LHCGR: variants seen among roughly 807,000 people sequenced by gnomAD.
The protein encoded by LHCGR is luteinizing hormone/choriogonadotropin receptor, also known as lutropin-choriogonadotropic hormone receptor.
Under a neutral mutation model 60.7 loss-of-function variants are expected in LHCGR, and 55 were observed. The observed-to-expected ratio is 0.91, with a 90% CI of 0.73 to 1.13. The LOEUF is 1.13. Among genes scored for constraint, LHCGR ranks in the 50% most tolerant of loss-of-function variants. The pLI is 0.00. For missense variants in LHCGR, 862 were observed against 836.0 expected, an observed-to-expected ratio of 1.03 and a Z score of -0.38; for synonymous variants, 337 against 316.5, an observed-to-expected ratio of 1.06 and a Z score of -0.69.
At chr2:48,738,199 A>G (rs541325850) in intron 1 of LHCGR, among the ~76,000 whole-genome samples, 2 of 152,022 alleles carry the variant, frequency 1.3e-5, no homozygotes, top group Middle Eastern at 3.4e-3. Flanking sequence ...CTCTTCCTCT[A>G]TCCTCCTCTA....
Position 48,688,738 on chromosome 2 carries a change from A to G in LHCGR, c.1059T>C (p.Cys353=). 6.2e-7 allele frequency: 1 copy of G among 1,614,106 alleles called. No individual in the cohort carries two copies. The highest frequency in any genetic ancestry group is 1.1e-5 in the South Asian group (1 of 91,072). ...GGAAGTCATAGCCCATAATATCTTC[A>G]CAGGGATTAAAAGCATCTGGTTCAG... The part of the protein sequence containing the change: ...CAPEPDAFNP[C]EDIMGYDFLR... Residue 353 remains cysteine (C), a synonymous_variant, in exon 11 of 11, where the codon TGT becomes TGC. Coordinates refer to ENST00000294954, the MANE Select transcript of LHCGR (RefSeq NM_000233.4). This position sits in a 1 kb window ranked among gnomAD's most constrained non-coding sequence, Gnocchi z 5.2.
intron 8 of LHCGR, among the ~76,000 whole-genome samples, chr2:48,705,457 G>T (rs1667616405): frequency 6.6e-6 from 1 of 152,150 alleles, no homozygotes; most frequent in Admixed American, 6.5e-5. Context: ...TTAATTTTGT[G>T]TCTCATTGAT....
At chr2:48,742,278 A>G (rs1669493058) in intron 1 of LHCGR, among the ~76,000 whole-genome samples, 1 of 152,192 alleles carries the variant, frequency 6.6e-6, no homozygotes, top group Admixed American at 6.5e-5. Flanking sequence ...CATTAGACAG[A>G]TCAATGAGAC....
At chr2:48,713,138 G>A (rs1189165958) in intron 7 of LHCGR, among the ~76,000 whole-genome samples, 4 of 152,148 alleles carry the variant, frequency 2.6e-5, no homozygotes, top group African/African-American at 9.7e-5. Context: ...AGGAATCTGT[G>A]TTTTAACAAT....
At chr2:48,713,016 G>A (rs538211773) in intron 7 of LHCGR, among the ~76,000 whole-genome samples, 21 of 152,272 alleles carry the variant, frequency 1.4e-4, no homozygotes, top group African/African-American at 5.1e-4. Flanking sequence ...ACATTAGACT[G>A]TGCTACCCAA....
At chr2:48,699,026 G>T (rs1046561314) in intron 8 of LHCGR, among the ~76,000 whole-genome samples, 1 of 151,950 alleles carries the variant, frequency 6.6e-6, no homozygotes, top group Admixed American at 6.6e-5. Context: ...GGGTTTCACC[G>T]TGTTAGCCAG....
At chr2:48,748,569 CTAAT>C (rs1383450323) in intron 1 of LHCGR, among the ~76,000 whole-genome samples, 1 of 152,186 alleles carries the variant, frequency 6.6e-6, no homozygotes, top group Non-Finnish European at 1.5e-5. Flanking sequence ...GTCATTTTCT[CTAAT>C]TAACACCTCC....
chr2:48,706,736 C>T (rs763760063), intron 8 of LHCGR, among the ~76,000 whole-genome samples: 18 of 152,172 alleles, frequency 1.2e-4, no homozygotes, highest in Non-Finnish European at 2.1e-4. Context: ...TTTTCAGCTC[C>T]GTCACGTCAT....
chr2:48,730,297 A>G (rs897306568), intron 2 of LHCGR, among the ~76,000 whole-genome samples: 1 of 152,222 alleles, frequency 6.6e-6, no homozygotes, highest in Non-Finnish European at 1.5e-5. Flanking sequence ...TTAATGCATT[A>G]AAGGTTATCA....
At chr2:48,704,128 T>G (rs1032058869) in intron 8 of LHCGR, among the ~76,000 whole-genome samples, 47 of 152,250 alleles carry the variant, frequency 3.1e-4, no homozygotes, top group Admixed American at 3.1e-3. Flanking sequence ...AGGCCTTTTC[T>G]GCATCTATTG....
chr2:48,708,691 A>G, intron 8 of LHCGR: 1 of 578,388 alleles, frequency 1.7e-6, no homozygotes, highest in Non-Finnish European at 3.1e-6. Flanking sequence ...CCTCAGAGGG[A>G]GCCAACCCCT....
intron 9 of LHCGR, among the ~76,000 whole-genome samples, chr2:48,697,681 C>T (rs1487677590): frequency 1.3e-5 from 2 of 152,168 alleles, no homozygotes; most frequent in East Asian, 1.9e-4. Flanking sequence ...GTCACTCTCT[C>T]AGTGCCTTAT....
intron 1 of LHCGR, among the ~76,000 whole-genome samples, chr2:48,754,904 G>A (rs757642302): frequency 3.3e-5 from 5 of 152,078 alleles, no homozygotes; most frequent in Non-Finnish European, 5.9e-5. Flanking sequence ...TGGTGCGCGG[G>A]TGCCAGCGGC....
At chr2:48,701,836 C>A (rs1572831542) in intron 8 of LHCGR, among the ~76,000 whole-genome samples, 1 of 152,306 alleles carries the variant, frequency 6.6e-6, no homozygotes, top group East Asian at 1.9e-4. Flanking sequence ...AATAAACAAA[C>A]AAATGAACTG....
chr2:48,731,362 G>T, intron 1 of LHCGR, 64 bp from the exon 2 acceptor site: 2 of 1,097,646 alleles, frequency 1.8e-6, no homozygotes, highest in Non-Finnish European at 2.8e-6. Context: ...TTAAGTTCAT[G>T]AATAAAATGG....
At chr2:48,741,511 G>T (rs1669450747) in intron 1 of LHCGR, among the ~76,000 whole-genome samples, 1 of 152,028 alleles carries the variant, frequency 6.6e-6, no homozygotes, top group South Asian at 2.1e-4. Flanking sequence ...AACTCTACAA[G>T]CCAGAAGAGA....
At chr2:48,692,146 C>T (rs112764561) in intron 10 of LHCGR, among the ~76,000 whole-genome samples, 81 of 152,242 alleles carry the variant, frequency 5.3e-4, no homozygotes, top group African/African-American at 1.9e-3. Context: ...ATAGAGACAC[C>T]GCCCAAGAAT....
intron 1 of LHCGR, among the ~76,000 whole-genome samples, chr2:48,733,977 C>A (rs1236552112): frequency 6.6e-6 from 1 of 152,118 alleles, no homozygotes; most frequent in Non-Finnish European, 1.5e-5. Context: ...GCAATGTGAA[C>A]AATGATCTTA....
chr2:48,733,060 C>T (rs1461800076), intron 1 of LHCGR: 7 of 486,764 alleles, frequency 1.4e-5, no homozygotes, highest in Admixed American at 4.5e-5. Flanking sequence ...AGTTTTATTG[C>T]TCTCTGCACT....
Sources: allele counts gnomAD v4.1 joint callset (sites outside exome capture counted in the v4.1 genomes callset), GRCh38; gene constraint gnomAD v4.1.1; non-coding constraint Gnocchi (gnomAD v3.1); transcripts MANE v1.5; gene names NCBI Gene and HGNC (gene_info 2026-07-23, HGNC 2026-07-21).